Variants in CSTB observed in about 807,000 individuals in gnomAD.
CSTB encodes the protein cystatin-B.
CSTB carries 8 observed loss-of-function variants against 7.6 expected under a neutral mutation model. That is an observed-to-expected ratio of 1.05 (90% CI 0.62 to 1.89). CSTB has a LOEUF of 1.89. CSTB is among the 40% of genes most tolerant of loss of function. The probability of loss-of-function intolerance (pLI) is 0.00; values close to 1 mark genes in which losing one functional copy is unlikely to be tolerated. For synonymous variants in CSTB, 56 were observed against 55.3 expected (o/e 1.01, Z -0.06); for missense variants, 124 against 126.4 (o/e 0.98, Z 0.09).
chr21:43,774,564 GC>G, intron 2 of CSTB, 93 bp downstream of exon 2: 1 of 1,230,592 alleles, frequency 8.1e-7, no homozygotes. Context: ...GCCACAGGGC[GC>G]CCCAGCACCT....
Position 43,776,302 on chromosome 21 carries a change from A to C in CSTB, c.-33T>G, listed in dbSNP as rs770366711. 7.9e-6 allele frequency: 12 copies of C among 1,512,594 alleles called. No individual in the cohort carries two copies. Among genetic ancestry groups the C allele is most frequent in the Non-Finnish European group, 1.1e-5 (12 of 1,129,746 alleles). The allele number at this position is 1,512,594 out of a possible 1,614,324, so 93.7% of individuals were successfully genotyped here. ...GCGACGGAGGGAATCTGGCGAGGGG[A>C]CTCGGCGAGGGGACGCGGCGGCTCC... is the stretch of plus-strand genomic sequence containing the variant. On this transcript the variant is annotated 5_prime_UTR_variant, in exon 1 of 3. Transcript: ENST00000291568.
intron 1 of CSTB, chr21:43,775,069 A>G (rs1601856257): frequency 7.4e-6 from 3 of 403,630 alleles, no homozygotes; most frequent in East Asian, 5.6e-5. Flanking sequence ...CTAAAAATAC[A>G]AAAATTAGCT....
At position 43,776,253 on chromosome 21, in the gene CSTB, G is replaced by A. The variant is rs1271010543; in HGVS notation, c.17C>T (p.Pro6Leu). The A allele has an allele frequency of 2.0e-6, 3 of 1,528,638 alleles. No homozygotes were observed. The highest frequency in any genetic ancestry group is 2.6e-6 in the Non-Finnish European group (3 of 1,140,452). The allele number at this position is 1,528,638 out of a possible 1,614,324, so 94.7% of individuals were successfully genotyped here. MMCGA[P>L]SATQPATAET... ...GGCGGTGGCCGGCTGCGTGGCGGAG[G>A]GCGCCCCGCACATCATCTTGGCGGC... is the stretch of plus-strand genomic sequence containing the variant. Residue 6 changes from proline (P) to leucine (L), a missense_variant, in exon 1 of 3, where the codon CCC becomes CTC. Coordinates refer to ENST00000291568, the MANE Select transcript of CSTB (RefSeq NM_000100.4).
At chr21:43,775,112 A>G in intron 1 of CSTB, 1 of 358,046 alleles carries the variant, frequency 2.8e-6, no homozygotes, top group South Asian at 2.2e-5. Context: ...AATCCCAGCT[A>G]CTCGGGAGGC....
At chr21:43,774,419 C>G in intron 2 of CSTB, 89 bp from the exon 3 acceptor site, 1 of 1,587,058 alleles carries the variant, frequency 6.3e-7, no homozygotes, top group Non-Finnish European at 8.6e-7. Flanking sequence ...TGAAGACAAT[C>G]TTGTCTTCTC....
chr21:43,774,562 G>A (rs2084000837), intron 2 of CSTB, 96 bp downstream of exon 2: 1 of 1,212,686 alleles, frequency 8.2e-7, no homozygotes, highest in Non-Finnish European at 1.2e-6. Context: ...CAGCCACAGG[G>A]CGCCCCAGCA....
At chr21:43,775,252 A>G in intron 1 of CSTB, 1 of 256,350 alleles carries the variant, frequency 3.9e-6, no homozygotes, top group South Asian at 4.2e-5. Flanking sequence ...AGGCCTCAGC[A>G]TCGCCTGGAC....
chr21:43,774,406 A>G, intron 2 of CSTB, 76 bp from the exon 3 acceptor site: 1 of 1,607,378 alleles, frequency 6.2e-7, no homozygotes, highest in Non-Finnish European at 8.5e-7. Context: ...ATTAGCAGCC[A>G]GCTGAAGACA....
intron 1 of CSTB, 116 bp downstream of exon 1, chr21:43,776,088 G>A (rs1482544907): frequency 4.1e-6 from 4 of 980,144 alleles, no homozygotes; most frequent in African/African-American, 1.7e-5. Context: ...CACAGCCCGG[G>A]CCAGCCCAGG....
At chr21:43,775,311 C>T (rs553747946) in intron 1 of CSTB, 65 of 192,708 alleles carry the variant, frequency 3.4e-4, no homozygotes, top group African/African-American at 1.1e-3. Flanking sequence ...GACAGCGAGG[C>T]GGGCCTGGCC....
rs570768038 is a variant in CSTB at position 43,774,306 on chromosome 21, C to T, written c.193G>A (p.Val65Ile). Reference protein sequence around the residue: ...IKVHVGDEDFVHLRVFQSLPH... With the variant: ...IKVHVGDEDFIHLRVFQSLPH... ...AGAGATTGGAACACTCGCAGGTGTA[C>T]GAAGTCCTCGTCGCCGACGTGCACC... Residue 65 changes from valine to isoleucine, a missense_variant, in exon 3 of 3, where the codon GTA (valine) becomes ATA (isoleucine). Physicochemically the swap from Val to Ile is conservative, Grantham distance 29. Transcript: ENST00000291568. 79 of 1,614,170 alleles carry T rather than the reference C, an allele frequency of 4.9e-5. 1 individual carries two copies. Among genetic ancestry groups the T allele is most frequent in the South Asian group, 4.7e-4 (43 of 91,090 alleles).
At chr21:43,774,551 G>A in intron 2 of CSTB, 107 bp downstream of exon 2, 2 of 1,165,070 alleles carry the variant, frequency 1.7e-6, no homozygotes, top group East Asian at 2.3e-5. Flanking sequence ...ATCTCAGGGG[G>A]CAGCCACAGG....
intron 1 of CSTB, 40 bp downstream of exon 1, chr21:43,776,164 G>A: frequency 6.6e-7 from 1 of 1,508,744 alleles, no homozygotes; most frequent in Non-Finnish European, 8.9e-7. Context: ...TGAGGCTAAG[G>A]CAGGACTCCG....
At chr21:43,774,589 C>T in intron 2 of CSTB, 69 bp downstream of exon 2, 1 of 1,389,598 alleles carries the variant, frequency 7.2e-7, no homozygotes, top group Non-Finnish European at 1.0e-6. Context: ...ACCACACAGC[C>T]CGGGCCTGCA....
chr21:43,776,233 T>C lies in CSTB; in HGVS notation c.37A>G (p.Thr13Ala). The change falls in exon 1 of 3, where the codon ACC becomes GCC. Residue 13 changes from threonine (T) to alanine (A), a missense_variant. Transcript: ENST00000291568. ...TCGGCGATGTGCTGGGTCTCGGCGG[T>C]GGCCGGCTGCGTGGCGGAGGGCGCC... Reference protein sequence around the residue: ...CGAPSATQPATAETQHIADQV... With the variant: ...CGAPSATQPAAAETQHIADQV... 1 of 1,529,136 alleles carries C rather than the reference T, an allele frequency of 6.5e-7. No homozygotes were observed. The highest frequency in any genetic ancestry group is 1.8e-4 in the Middle Eastern group (1 of 5,596). The allele number at this position is 1,529,136 out of a possible 1,614,324, so 94.7% of individuals were successfully genotyped here.
intron 1 of CSTB, 103 bp from the exon 2 acceptor site, chr21:43,774,862 GCTCTTC>G: frequency 1.2e-6 from 1 of 816,142 alleles, no homozygotes. Context: ...TCTGACACTG[GCTCTTC>G]ACACAATTGT....
In CSTB at chr21:43,774,635, CCCTCCTGAGGCCCACACT is replaced by C. The variant is rs767709881; in HGVS notation, c.168+5_168+22del. ...CCTACCAGCACCCGTTCGGGGCAGG[CCCTCCTGAGGCCCACACT>C]CTACCTTGATGAAGTAGTTTGTCCC... On this transcript the variant is annotated splice_donor_5th_base_variant and intron_variant, in intron 2 of 2. Transcript: ENST00000291568. 7.6e-6 allele frequency: 12 copies of C among 1,586,336 alleles called. No individual in the cohort carries two copies. Among genetic ancestry groups the C allele is most frequent in the Non-Finnish European group, 2.6e-6 (3 of 1,154,728 alleles).
chr21:43,775,478 T>A (rs1201423030), intron 1 of CSTB: 1 of 154,564 alleles, frequency 6.5e-6, no homozygotes, highest in Non-Finnish European at 1.4e-5. Context: ...CCGGTTTTTA[T>A]CTTGTTTTTC....
rs1413995537 is a variant in CSTB at position 43,773,970 on chromosome 21, C to G, written c.*232G>C. On this transcript the variant is annotated 3_prime_UTR_variant, in exon 3 of 3. Coordinates refer to ENST00000291568, the MANE Select transcript of CSTB (RefSeq NM_000100.4). ...ATCTGTAAGGATTTTAAAAATATAT[C>G]TATTTTGAAAATATTCTGAAAGTAA... The G allele has an allele frequency of 3.5e-6, 2 of 575,964 alleles. No homozygotes were observed. Among genetic ancestry groups the G allele is most frequent in the Non-Finnish European group, 6.1e-6 (2 of 325,536 alleles). 35.7% of individuals were successfully genotyped at this position (575,964 alleles called of 1,614,324 possible). A position where few individuals can be genotyped will look rare whatever the true frequency, so the allele number is the denominator to read the frequency against.
Sources: allele counts gnomAD v4.1 joint callset, GRCh38; gene constraint gnomAD v4.1.1; transcripts MANE v1.5; gene names NCBI Gene and HGNC (gene_info 2026-07-23, HGNC 2026-07-21).